DNAH10: variants seen among roughly 807,000 people sequenced by gnomAD.
DNAH10 encodes the protein dynein axonemal heavy chain 10.
Under a neutral mutation model 506.6 loss-of-function variants are expected in DNAH10, and 348 were observed. The ratio of observed to expected loss-of-function variants is 0.69; its 90% confidence interval spans 0.63 to 0.75. DNAH10 has a LOEUF of 0.75. Ranked by LOEUF, DNAH10 falls within the 30% of genes least tolerant of loss-of-function variation. DNAH10 has a pLI of 0.00. For missense variants in DNAH10, 5,179 were observed against 5,787.1 expected (o/e 0.89, Z 3.41); for synonymous variants, 2,059 against 2,198.6 (o/e 0.94, Z 1.78).
At chr12:123,891,482 T>C (rs1189637590) in intron 52 of DNAH10, among the ~76,000 whole-genome samples, 1 of 152,098 alleles carries the variant, frequency 6.6e-6, no homozygotes. Context: ...TCAGAGTCAC[T>C]GACATGTGGT....
chr12:123,860,149 A>T (rs1401799565), intron 38 of DNAH10, among the ~76,000 whole-genome samples: 1 of 152,144 alleles, frequency 6.6e-6, no homozygotes. Context: ...TTCCAGAAAG[A>T]CCTCCGTGGA....
chr12:123,889,486 C>T (rs542738824), intron 52 of DNAH10, among the ~76,000 whole-genome samples: 20 of 152,266 alleles, frequency 1.3e-4, no homozygotes, highest in African/African-American at 4.8e-4. Context: ...CCTCTGCCCT[C>T]CTTGGAGCAT....
intron 69 of DNAH10, chr12:123,927,858 A>G (rs1222730232): frequency 6.4e-6 from 1 of 155,120 alleles, no homozygotes; most frequent in African/African-American, 2.4e-5. Context: ...CTCAACCACA[A>G]CACTGAAATA....
chr12:123,857,345 A>G, intron 37 of DNAH10, 98 bp downstream of exon 37: 1 of 1,086,448 alleles, frequency 9.2e-7, no homozygotes, highest in Non-Finnish European at 1.2e-6. Flanking sequence ...TAAAATACGC[A>G]TAAGTTTCAC....
At chr12:123,813,072 C>A in intron 19 of DNAH10, 92 bp from the exon 20 acceptor site, 1 of 846,450 alleles carries the variant, frequency 1.2e-6, no homozygotes, top group South Asian at 2.0e-5. Context: ...TTTTCCATTA[C>A]TGGCAAGACT....
rs958045147 is a variant in DNAH10 at position 123,928,296 on chromosome 12, C to A, written c.12106-91C>A. 7.2e-7 allele frequency: 1 copy of A among 1,391,910 alleles called. No individual in the cohort carries two copies. The highest frequency in any genetic ancestry group is 1.4e-5 in the South Asian group (1 of 73,344). The allele number at this position is 1,391,910 out of a possible 1,614,324, so 86.2% of individuals were successfully genotyped here. On this transcript the variant is annotated intron_variant, in intron 69 of 78. Transcript: ENST00000673944. The surrounding 1 kb of genome is among the most constrained non-coding windows in gnomAD (Gnocchi z 4.9). Reference sequence around the variant, plus strand: ...TTTTGGCTTCTGCTGGAGCTGCCATCGCCCTTCTGTGGGTGTGGAGTGGGT... The same window carrying A: ...TTTTGGCTTCTGCTGGAGCTGCCATAGCCCTTCTGTGGGTGTGGAGTGGGT...
chr12:123,914,523 T>A lies in DNAH10; in HGVS notation c.10547T>A (p.Leu3516Gln). ...PLSQPFRLES[L>Q]LTDDVEISRW... is the part of the protein sequence containing the mutation. ...AGCCAGCCTTTCCGGCTGGAAAGCC[T>A]GCTCACGGATGATGTTGAGATCAGC... Residue 3516 changes from leucine (L) to glutamine (Q), a missense_variant, in exon 61 of 79, where the codon CTG becomes CAG. Physicochemically the swap from Leu to Gln is moderately radical, Grantham distance 113 (BLOSUM62 -2). This residue lies in a region of DNAH10 where 4,844 missense variants were observed against 5,430.5 expected (regional missense o/e 0.89). Transcript: ENST00000673944. 1 of 1,613,440 alleles carries A rather than the reference T, an allele frequency of 6.2e-7. No homozygotes were observed. The highest frequency in any genetic ancestry group is 8.5e-7 in the Non-Finnish European group (1 of 1,179,818).
In DNAH10 at chr12:123,887,157, C is replaced by A. The variant is rs1421018509; in HGVS notation, c.8839C>A (p.Leu2947Met). 6.2e-7 allele frequency: 1 copy of A among 1,608,520 alleles called. No individual in the cohort carries two copies. The highest frequency in any genetic ancestry group is 1.1e-5 in the South Asian group (1 of 89,786). The change falls in exon 52 of 79, where the codon CTG becomes ATG. Residue 2947 changes from leucine (L) to methionine (M), a missense_variant. Physicochemically the swap from Leu to Met is conservative, Grantham distance 15. This residue lies in a region of DNAH10 where 4,844 missense variants were observed against 5,430.5 expected (regional missense o/e 0.89). Coordinates refer to ENST00000673944, the MANE Select transcript of DNAH10 (RefSeq NM_001372106.1). ...TGCATCGCAGGTGTTTGAGATCCTG[C>A]TGAGCCGAGGCTACTCGGAGAACAG... is the stretch of plus-strand genomic sequence containing the variant. ...TASCEVFEILLSRGYSENSFR... is the reference protein window; with the variant it reads ...TASCEVFEILMSRGYSENSFR...
chr12:123,840,195 G>A (rs1950717844), intron 29 of DNAH10, among the ~76,000 whole-genome samples: 1 of 151,786 alleles, frequency 6.6e-6, no homozygotes, highest in South Asian at 2.1e-4. Flanking sequence ...TCCCCTGGTG[G>A]CAAAATCATC....
chr12:123,828,817 C>A (rs1268098816), intron 25 of DNAH10, among the ~76,000 whole-genome samples: 1 of 152,124 alleles, frequency 6.6e-6, no homozygotes, highest in Non-Finnish European at 1.5e-5. Flanking sequence ...TGGTGTTTGT[C>A]CAAGATGAGG....
intron 6 of DNAH10, 85 bp from the exon 7 acceptor site, chr12:123,783,022 A>C: frequency 7.4e-7 from 1 of 1,356,982 alleles, no homozygotes; most frequent in Non-Finnish European, 1.0e-6. Context: ...AGCTTGAGAG[A>C]CGACCCAGCC....
rs550291361 is a variant in DNAH10 at position 123,813,574 on chromosome 12, T to G, written c.3555T>G (p.Ile1185Met). The G allele has an allele frequency of 4.3e-6, 7 of 1,614,208 alleles. No homozygotes were observed. The South Asian group carries it at 7.7e-5, about 18-fold the overall frequency. The change falls in exon 20 of 79, where the codon ATT (isoleucine) becomes ATG (methionine). Residue 1185 changes from isoleucine (I) to methionine (M), a missense_variant. Coordinates refer to ENST00000673944, the MANE Select transcript of DNAH10 (RefSeq NM_001372106.1). ...AGGAAAATGCCAAGTCCTGGGTGAT[T>G]TCGCTTGGAAAACTTCTCAATGAGT... ...TVQENAKSWV[I>M]SLGKLLNESA... is the part of the protein sequence containing the mutation.
Position 123,904,985 on chromosome 12 carries a change from T to C in DNAH10, c.9815+1872T>C, listed in dbSNP as rs1232297486. Among the ~76,000 whole-genome samples the C allele has an allele frequency of 3.9e-5, 6 of 152,326 alleles. No homozygotes were observed. The East Asian group carries it at 7.7e-4, about 20-fold the overall frequency. On this transcript the variant is annotated intron_variant, in intron 57 of 78. Transcript: ENST00000673944. ...CATATACACTTCCTGAGGATTTTCA[T>C]GCATGACCAAGGCAACCAGGTACAC... is the stretch of plus-strand genomic sequence containing the variant.
chr12:123,918,231 T>G (rs1954571767), intron 64 of DNAH10, among the ~76,000 whole-genome samples: 1 of 152,226 alleles, frequency 6.6e-6, no homozygotes, highest in South Asian at 2.1e-4. Flanking sequence ...AAGACTGGTC[T>G]GGCCTCACGT....
In DNAH10 at chr12:123,783,954, G is replaced by C; in HGVS notation, c.1007G>C (p.Gly336Ala). 1 of 1,614,106 alleles carries C rather than the reference G, an allele frequency of 6.2e-7. No individual in the cohort carries two copies. Among genetic ancestry groups the C allele is most frequent in the Non-Finnish European group, 8.5e-7 (1 of 1,179,944 alleles). Residue 336 changes from glycine (G) to alanine (A), a missense_variant, in exon 8 of 79, where the codon GGC becomes GCC. Around this residue, in one of 3 missense-constraint regions of DNAH10, gnomAD observed 4,844 missense variants for 5,430.5 expected, o/e 0.89. Transcript: ENST00000673944. ...GTTCATTTCACCTCTCAGGGTAAAGGCCCTCTGGCTGAAATTGAATTCTGG... is the reference window on the plus strand; with the variant it reads ...GTTCATTTCACCTCTCAGGGTAAAGCCCCTCTGGCTGAAATTGAATTCTGG... ...AQLKKTPQGK[G>A]PLAEIEFWRE...
chr12:123,813,728 A>G, intron 20 of DNAH10, 26 bp from the exon 21 acceptor site: 1 of 1,612,986 alleles, frequency 6.2e-7, no homozygotes, highest in South Asian at 1.1e-5. Context: ...GTGTTTGCTT[A>G]GTGTTCTTTG....
At chr12:123,929,522 A>G in intron 71 of DNAH10, 38 bp downstream of exon 71, 3 of 1,599,212 alleles carry the variant, frequency 1.9e-6, no homozygotes, top group Non-Finnish European at 1.7e-6. Flanking sequence ...TGGCTTCCTT[A>G]GGCGGCCCAC....
chr12:123,919,712 G>A lies in DNAH10; in HGVS notation c.11506+763G>A, dbSNP rs942653940. ...ACACTTCATGTCAATGGCATCATAC[G>A]GTGTGTGACTTCATGACTGGTATCT... is the stretch of plus-strand genomic sequence containing the variant. On this transcript the variant is annotated intron_variant, in intron 65 of 78. Coordinates refer to ENST00000673944, the MANE Select transcript of DNAH10 (RefSeq NM_001372106.1). The surrounding 1 kb of genome is among the most constrained non-coding windows in gnomAD (Gnocchi z 4.9). 3.9e-5 allele frequency among the ~76,000 whole-genome samples: 6 copies of A among 152,180 alleles called. No individual in the cohort carries two copies. The highest frequency in any genetic ancestry group is 4.1e-4 in the South Asian group (2 of 4,832).
In DNAH10 at chr12:123,931,971, G is replaced by C; in HGVS notation, c.13159G>C (p.Glu4387Gln). 2 of 1,614,070 alleles carry C rather than the reference G, an allele frequency of 1.2e-6. No homozygotes were observed. Among genetic ancestry groups the C allele is most frequent in the East Asian group, 2.2e-5 (1 of 44,890 alleles). The change falls in exon 76 of 79, where the codon GAG becomes CAG. Residue 4387 changes from glutamate to glutamine, a missense_variant. Around this residue, in one of 3 missense-constraint regions of DNAH10, gnomAD observed 4,844 missense variants for 5,430.5 expected, o/e 0.89. Transcript: ENST00000673944. ...ALAGEVGMSNELDDVARSLFI... is the reference protein window; with the variant it reads ...ALAGEVGMSNQLDDVARSLFI... ...GGCTGGAGAAGTTGGAATGAGCAAT[G>C]AGTTAGATGATGTGGCCAGGTCTCT...
Sources: gnomAD v4.1 joint callset for allele counts (sites outside exome capture counted in the v4.1 genomes callset) on GRCh38, gnomAD v4.1.1 for gene constraint, gnomAD v4.1.1 regional missense constraint, Gnocchi (gnomAD v3.1) non-coding constraint, MANE v1.5 for transcripts, NCBI Gene and HGNC (gene_info 2026-07-23, HGNC 2026-07-21) for gene names.